LRIG1: variants seen among roughly 807,000 people sequenced by gnomAD.
LRIG1 encodes the protein leucine rich repeats and immunoglobulin like domains 1.
A neutral mutation model predicts 99.2 loss-of-function variants in LRIG1; 48 were observed. The ratio of observed to expected loss-of-function variants is 0.48; its 90% confidence interval spans 0.38 to 0.62. The LOEUF (loss-of-function observed/expected upper bound fraction) is 0.62, where lower values mean the gene tolerates loss of function less well. LRIG1 is among the 20% of genes least tolerant of loss of function. The pLI is 0.00. For synonymous variants in LRIG1, 772 were observed against 596.1 expected, an observed-to-expected ratio of 1.29 and a Z score of -4.30; for missense variants, 1,646 against 1,434.4, an observed-to-expected ratio of 1.15 and a Z score of -2.38.
intron 14 of LRIG1, 139 bp from the exon 15 acceptor site, chr3:66,383,540 G>T (rs1219093564): frequency 1.3e-6 from 1 of 791,134 alleles, no homozygotes; most frequent in Non-Finnish European, 2.0e-6. Context: ...AAGCTTTGGA[G>T]AAGACCCTTC....
rs1202951511 is a variant in LRIG1 at position 66,378,966 on chromosome 3, TCA to T, written c.*1295_*1296del. ...ACATTGCCTCTCAGAAGCAGCAAAT[TCA>T]CATATTTTGTGGAAGTAAGATTAGT... On this transcript the variant is annotated 3_prime_UTR_variant, in exon 19 of 19. Transcript: ENST00000273261. 6.6e-6 allele frequency: 1 copy of T among 152,646 alleles called. No individual in the cohort carries two copies. The highest frequency in any genetic ancestry group is 1.5e-5 in the Non-Finnish European group (1 of 68,038). The allele number at this position is 152,646 out of a possible 1,614,324, so 9.5% of individuals were successfully genotyped here. A position where few individuals can be genotyped will look rare whatever the true frequency, so the allele number is the denominator to read the frequency against.
intron 8 of LRIG1, 35 bp downstream of exon 8, chr3:66,407,313 G>A (rs761697516): frequency 2.5e-6 from 4 of 1,613,036 alleles, no homozygotes; most frequent in South Asian, 1.1e-5. Flanking sequence ...TCCCCACTGG[G>A]GACCCCTTTA....
chr3:66,448,606 G>T (rs1172343224), intron 3 of LRIG1, among the ~76,000 whole-genome samples: 1 of 152,122 alleles, frequency 6.6e-6, no homozygotes, highest in Non-Finnish European at 1.5e-5. Context: ...TGTATCCCAG[G>T]TCACAACTAC....
chr3:66,430,172 AAAC>A (rs367948791), intron 3 of LRIG1, among the ~76,000 whole-genome samples: 4 of 129,382 alleles, frequency 3.1e-5, no homozygotes, highest in East Asian at 5.1e-4. Context: ...AAACAAAACA[AAAC>A]AACAACAACA....
chr3:66,462,358 G>T, intron 2 of LRIG1, 80 bp downstream of exon 2: 1 of 985,168 alleles, frequency 1.0e-6, no homozygotes, highest in South Asian at 1.4e-5. Context: ...CTAGGGGAGT[G>T]AGCGATGCTG....
At chr3:66,439,266 AC>A (rs773858643) in intron 3 of LRIG1, among the ~76,000 whole-genome samples, 85 of 152,372 alleles carry the variant, frequency 5.6e-4, no homozygotes, top group African/African-American at 1.9e-3. Context: ...ATTGAGAAGA[AC>A]CCAACAATTA....
rs1271209554 is a variant in LRIG1 at position 66,379,664 on chromosome 3, T to C, written c.*599A>G. 1 of 152,252 alleles carries C rather than the reference T, an allele frequency of 6.6e-6. No homozygotes were observed. The highest frequency in any genetic ancestry group is 2.4e-5 in the African/African-American group (1 of 41,460). 9.4% of individuals were successfully genotyped at this position (152,252 alleles called of 1,614,324 possible). ...CATTCACTGCAAGTGTGGATGGCAC[T>C]TGCACCCCTGGCTCTACAGACAGGG... On this transcript the variant is annotated 3_prime_UTR_variant, in exon 19 of 19. Transcript: ENST00000273261.
Position 66,497,704 on chromosome 3 carries a change from CAAAAAAAAA to C in LRIG1, c.218+2477_218+2485del, listed in dbSNP as rs71616223. Among the ~76,000 whole-genome samples the C allele has an allele frequency of 1.7e-3, 154 of 89,278 alleles. 2 individuals carry two copies. The highest frequency in any genetic ancestry group is 7.0e-3 in the African/African-American group (148 of 21,022). The allele number at this position is 89,278 out of a possible 152,430, so 58.6% of individuals were successfully genotyped here. On this transcript the variant is annotated intron_variant, in intron 1 of 18. Coordinates refer to ENST00000273261, the MANE Select transcript of LRIG1 (RefSeq NM_015541.3). Reference sequence around the variant, plus strand: ...ACTTCCACATCAGACGCACTGTTTACAAAAAAAAAAAAAAAAAAAAAAAAGGTCCCATAA... The same window carrying C: ...ACTTCCACATCAGACGCACTGTTTACAAAAAAAAAAAAAAAGGTCCCATAA...
chr3:66,392,845 A>G (rs1274029222), intron 12 of LRIG1, among the ~76,000 whole-genome samples: 2 of 152,336 alleles, frequency 1.3e-5, no homozygotes, highest in Admixed American at 6.5e-5. Context: ...CAATGGGCCA[A>G]TGAACAATGG....
At chr3:66,398,912 T>C (rs1575659776) in intron 10 of LRIG1, 58 bp downstream of exon 10, 2 of 1,442,940 alleles carry the variant, frequency 1.4e-6, no homozygotes, top group Middle Eastern at 1.8e-4. Context: ...CTAGCAGAAC[T>C]CCCCGGCAGC....
At position 66,380,850 on chromosome 3, in the gene LRIG1, G is replaced by C. The variant is rs375884681; in HGVS notation, c.2782C>G (p.Arg928Gly). The C allele has an allele frequency of 6.2e-7, 1 of 1,613,866 alleles. No homozygotes were observed. Among genetic ancestry groups the C allele is most frequent in the Admixed American group, 1.7e-5 (1 of 60,022 alleles). ...GTGTTGCAGTCACTGCATACGACCC[G>C]GCCACCGTGTTCTGAAGGACAGCGC... ...PGPHKMEHGG[R>G]VVCSDCNTEV... Residue 928 changes from arginine to glycine, a missense_variant, in exon 18 of 19, where the codon CGG (arginine) becomes GGG (glycine). Coordinates refer to ENST00000273261, the MANE Select transcript of LRIG1 (RefSeq NM_015541.3).
At chr3:66,401,405 A>C (rs1702049399) in intron 9 of LRIG1, among the ~76,000 whole-genome samples, 1 of 152,308 alleles carries the variant, frequency 6.6e-6, no homozygotes, top group Non-Finnish European at 1.5e-5. Context: ...AAACGCATTG[A>C]ACTGTTTAGT....
intron 3 of LRIG1, among the ~76,000 whole-genome samples, chr3:66,441,653 A>G (rs1410344127): frequency 2.6e-5 from 4 of 152,162 alleles, no homozygotes; most frequent in African/African-American, 9.7e-5. Flanking sequence ...GCAGGGTAGG[A>G]GCCTCTGACT....
chr3:66,471,005 T>A (rs1176760936), intron 1 of LRIG1, among the ~76,000 whole-genome samples: 3 of 152,300 alleles, frequency 2.0e-5, no homozygotes, highest in Non-Finnish European at 2.9e-5. Context: ...GATTAATTAA[T>A]TTAATTAAGA....
intron 13 of LRIG1, among the ~76,000 whole-genome samples, chr3:66,385,315 A>G (rs969757372): frequency 1.3e-5 from 2 of 152,210 alleles, no homozygotes; most frequent in Non-Finnish European, 2.9e-5. Context: ...TCTGACTCCA[A>G]TGCTGTGCCA....
intron 2 of LRIG1, among the ~76,000 whole-genome samples, chr3:66,457,146 T>C (rs533293370): frequency 4.6e-5 from 7 of 152,158 alleles, no homozygotes; most frequent in African/African-American, 1.7e-4. Flanking sequence ...CCATTCTCAA[T>C]GAGGGCTCCA....
At chr3:66,383,823 A>T (rs1701227492) in intron 14 of LRIG1, among the ~76,000 whole-genome samples, 168 bp downstream of exon 14, 1 of 152,176 alleles carries the variant, frequency 6.6e-6, no homozygotes, top group Non-Finnish European at 1.5e-5. Flanking sequence ...AAAGAGATAG[A>T]AACACTTGTT....
chr3:66,380,650 C>A lies in LRIG1; in HGVS notation c.2982G>T (p.Ser994=), dbSNP rs148872922. 3.7e-6 allele frequency: 6 copies of A among 1,614,070 alleles called. No homozygotes were observed. Residue 994 remains serine, a synonymous_variant, in exon 18 of 19, where the codon TCG becomes TCT. Transcript: ENST00000273261. ...TTCTATCGTGGTTACTGGGGTAGAGCGACCCTTGGCACTCGGGGCAGGACC... is the reference window on the plus strand; with the variant it reads ...TTCTATCGTGGTTACTGGGGTAGAGAGACCCTTGGCACTCGGGGCAGGACC... The part of the protein sequence containing the change: ...AAGSCPECQG[S]LYPSNHDRML...
At chr3:66,446,062 TGCG>T (rs1176527878) in intron 3 of LRIG1, among the ~76,000 whole-genome samples, 1 of 152,234 alleles carries the variant, frequency 6.6e-6, no homozygotes, top group Admixed American at 6.5e-5. Flanking sequence ...TACACTTTAA[TGCG>T]AACTGATCTT....
Sources: allele counts gnomAD v4.1 joint callset (sites outside exome capture counted in the v4.1 genomes callset), GRCh38; gene constraint gnomAD v4.1.1; transcripts MANE v1.5; gene names NCBI Gene and HGNC (gene_info 2026-07-23, HGNC 2026-07-21).